Variants in KIAA0825 observed in about 807,000 individuals in gnomAD.
KIAA0825 encodes the protein uncharacterized protein KIAA0825.
A neutral mutation model predicts 147.6 loss-of-function variants in KIAA0825; 119 were observed. The ratio of observed to expected loss-of-function variants is 0.81; its 90% confidence interval spans 0.69 to 0.94. KIAA0825 has a LOEUF of 0.94. Ranked by LOEUF, KIAA0825 falls within the 40% of genes least tolerant of loss-of-function variation. The probability of loss-of-function intolerance (pLI) is 0.00; values close to 1 mark genes in which losing one functional copy is unlikely to be tolerated. For missense variants in KIAA0825, 1,381 were observed against 1,472.7 expected (o/e 0.94, Z 1.02); for synonymous variants, 470 against 518.1 (o/e 0.91, Z 1.26).
intron 20 of KIAA0825, among the ~76,000 whole-genome samples, chr5:94,165,774 C>T (rs1472991600): frequency 1.3e-5 from 2 of 152,170 alleles, no homozygotes; most frequent in African/African-American, 4.8e-5. Flanking sequence ...ATCACATGTT[C>T]TCACTTATTT....
At chr5:94,518,923 G>A (rs73145052) in intron 5 of KIAA0825, among the ~76,000 whole-genome samples, 1,768 of 151,748 alleles carry the variant, frequency 0.012, 34 homozygotes, top group African/African-American at 0.039. Context: ...TAAAACTTTC[G>A]TATTGAAAAG....
At chr5:94,256,391 A>G (rs1256372588) in intron 20 of KIAA0825, among the ~76,000 whole-genome samples, 1 of 152,160 alleles carries the variant, frequency 6.6e-6, no homozygotes, top group Non-Finnish European at 1.5e-5. Flanking sequence ...AGTTAGGATA[A>G]TCACTATCTT....
intron 20 of KIAA0825, among the ~76,000 whole-genome samples, chr5:94,323,232 T>A (rs944720444): frequency 6.6e-6 from 1 of 152,008 alleles, no homozygotes; most frequent in African/African-American, 2.4e-5. Flanking sequence ...CTGGTTCATG[T>A]ACAAAAGAAA....
intron 6 of KIAA0825, among the ~76,000 whole-genome samples, chr5:94,482,027 C>G (rs1348037219): frequency 6.6e-6 from 1 of 152,054 alleles, no homozygotes; most frequent in East Asian, 1.9e-4. Context: ...ATATCATCAC[C>G]TAATACAGTA....
intron 20 of KIAA0825, among the ~76,000 whole-genome samples, chr5:94,383,596 T>G (rs1022681461): frequency 6.6e-6 from 1 of 152,178 alleles, no homozygotes; most frequent in Non-Finnish European, 1.5e-5. Flanking sequence ...ATATCTTATT[T>G]GAAAATGTAT....
At chr5:94,593,878 C>T (rs1380488624) in intron 1 of KIAA0825, 4 of 389,416 alleles carry the variant, frequency 1.0e-5, no homozygotes, top group African/African-American at 2.1e-5. Context: ...CTGCTATTTC[C>T]CTGCTCCCTT....
At position 94,569,653 on chromosome 5, in the gene KIAA0825, C is replaced by T. The variant is rs1467722665; in HGVS notation, c.-2+12780G>A. The T allele has an allele frequency of 3.1e-5, 11 of 351,150 alleles. 1 individual carries two copies. In the South Asian group the frequency reaches 4.4e-4, roughly 14 times the overall value. 21.8% of individuals were successfully genotyped at this position (351,150 alleles called of 1,614,324 possible). ...GATGAAACCTCGGCTCACTTCTTGG[C>T]GCCTGCCTAACCATTCAAATGATCA... On this transcript the variant is annotated intron_variant, in intron 2 of 20. Coordinates refer to ENST00000682413, the MANE Select transcript of KIAA0825 (RefSeq NM_001145678.3).
At chr5:94,291,087 T>C (rs1041666746) in intron 20 of KIAA0825, among the ~76,000 whole-genome samples, 3 of 152,232 alleles carry the variant, frequency 2.0e-5, no homozygotes, top group Non-Finnish European at 2.9e-5. Flanking sequence ...GTAGGTTGCC[T>C]GTTCACTCTG....
intron 20 of KIAA0825, among the ~76,000 whole-genome samples, chr5:94,361,261 G>A (rs893155178): frequency 1.3e-5 from 2 of 152,066 alleles, no homozygotes; most frequent in African/African-American, 4.8e-5. Context: ...GATAAAGAGA[G>A]TCACTGCTTT....
chr5:94,403,830 C>T (rs753066300), intron 15 of KIAA0825, 37 bp from the exon 16 acceptor site: 1 of 1,509,238 alleles, frequency 6.6e-7, no homozygotes, highest in Non-Finnish European at 9.0e-7. Context: ...TTAGCAGAAC[C>T]TAGCAAATCA....
intron 20 of KIAA0825, among the ~76,000 whole-genome samples, chr5:94,218,358 A>T (rs1182699677): frequency 6.6e-6 from 1 of 152,088 alleles, no homozygotes; most frequent in Non-Finnish European, 1.5e-5. Context: ...AGTTCTAACC[A>T]TTTTGTTTTT....
chr5:94,309,734 C>T (rs566646780), intron 20 of KIAA0825, among the ~76,000 whole-genome samples: 1 of 151,764 alleles, frequency 6.6e-6, no homozygotes, highest in African/African-American at 2.4e-5. Flanking sequence ...AAAAATCAGC[C>T]ATCTGGATCT....
At chr5:94,537,186 G>C (rs1772214267) in intron 2 of KIAA0825, 59 bp from the exon 3 acceptor site, 4 of 1,391,218 alleles carry the variant, frequency 2.9e-6, no homozygotes, top group Non-Finnish European at 3.9e-6. Context: ...CCAGGGATAG[G>C]GGTGGGCAGA....
At chr5:94,552,499 A>C (rs1007719593) in intron 2 of KIAA0825, among the ~76,000 whole-genome samples, 7 of 152,198 alleles carry the variant, frequency 4.6e-5, no homozygotes, top group Non-Finnish European at 4.4e-5. Flanking sequence ...AGGACTGACC[A>C]TATGTTAGGA....
At chr5:94,305,939 T>C (rs1778702467) in intron 20 of KIAA0825, among the ~76,000 whole-genome samples, 1 of 151,844 alleles carries the variant, frequency 6.6e-6, no homozygotes. Context: ...CAATGAAAAT[T>C]ATAGTACACT....
At chr5:94,156,976 A>C (rs1159138168) in intron 20 of KIAA0825, among the ~76,000 whole-genome samples, 1 of 151,072 alleles carries the variant, frequency 6.6e-6, no homozygotes, top group Non-Finnish European at 1.5e-5. Context: ...AAAAACAACA[A>C]GTCAATTCTG....
chr5:94,340,202 T>C (rs160269), intron 20 of KIAA0825, among the ~76,000 whole-genome samples: 53,502 of 151,888 alleles, frequency 0.35, 9,644 homozygotes, highest in Middle Eastern at 0.38. Flanking sequence ...TACACACATC[T>C]TCCCATATAC....
intron 20 of KIAA0825, among the ~76,000 whole-genome samples, chr5:94,261,599 A>C (rs1341689319): frequency 6.6e-6 from 1 of 152,178 alleles, no homozygotes; most frequent in East Asian, 1.9e-4. Flanking sequence ...ACGTAGCCTT[A>C]ATAGGGTAAT....
intron 3 of KIAA0825, among the ~76,000 whole-genome samples, chr5:94,528,292 C>T (rs141252948): frequency 2.7e-4 from 41 of 152,212 alleles, no homozygotes; most frequent in African/African-American, 9.6e-4. Flanking sequence ...TATTGTTAAC[C>T]CACCTTTTGT....
Sources: gnomAD v4.1 joint callset for allele counts (sites outside exome capture counted in the v4.1 genomes callset) on GRCh38, gnomAD v4.1.1 for gene constraint, MANE v1.5 for transcripts, NCBI Gene and HGNC (gene_info 2026-07-23, HGNC 2026-07-21) for gene names.